ADGRV1: variants seen among roughly 807,000 people sequenced by gnomAD.
ADGRV1 encodes adhesion G protein-coupled receptor V1, also known as G-protein coupled receptor 98.
ADGRV1 carries 359 observed loss-of-function variants against 596.2 expected under a neutral mutation model. The observed-to-expected ratio is 0.60, with a 90% CI of 0.55 to 0.66. ADGRV1 has a LOEUF of 0.66. Among genes scored for constraint, ADGRV1 ranks in the 30% least tolerant of loss-of-function variants. ADGRV1 has a pLI of 0.00. For synonymous variants in ADGRV1, 2,681 were observed against 2,679.2 expected (o/e 1.00, Z -0.02); for missense variants, 7,274 against 7,575.6 (o/e 0.96, Z 1.48).
intron 16 of ADGRV1, 75 bp downstream of exon 16, chr5:90,646,166 A>G (rs1311810491): frequency 2.5e-5 from 26 of 1,036,148 alleles, no homozygotes; most frequent in East Asian, 3.1e-5. Flanking sequence ...ATGCACGTGC[A>G]TATATACATT....
At chr5:90,652,208 C>A (rs1336087095) in intron 18 of ADGRV1, 138 bp from the exon 19 acceptor site, 2 of 494,840 alleles carry the variant, frequency 4.0e-6, no homozygotes, top group Non-Finnish European at 3.5e-6. Flanking sequence ...TGAAATTCTT[C>A]ATAGTTTGCC....
intron 5 of ADGRV1, among the ~76,000 whole-genome samples, chr5:90,623,610 A>G (rs1764369299): frequency 6.6e-6 from 1 of 152,054 alleles, no homozygotes; most frequent in East Asian, 1.9e-4. Flanking sequence ...ATGAAGTCGC[A>G]TTATGTTGCC....
chr5:90,986,992 T>C lies in ADGRV1; in HGVS notation c.18152+1470T>C, dbSNP rs530072695. On this transcript the variant is annotated intron_variant, in intron 85 of 89. Coordinates refer to ENST00000405460, the MANE Select transcript of ADGRV1 (RefSeq NM_032119.4). Reference sequence around the variant, plus strand: ...TGGACCCAATGAATGTAATATTAATTAGAAAAAACTATCTTGATCCTTTTA... The same window carrying C: ...TGGACCCAATGAATGTAATATTAATCAGAAAAAACTATCTTGATCCTTTTA... 9.2e-5 allele frequency among the ~76,000 whole-genome samples: 14 copies of C among 152,296 alleles called. No homozygotes were observed. The East Asian group carries it at 2.5e-3, about 27-fold the overall frequency.
At chr5:90,708,457 T>G (rs1469968692) in intron 38 of ADGRV1, among the ~76,000 whole-genome samples, 1 of 151,714 alleles carries the variant, frequency 6.6e-6, no homozygotes, top group Non-Finnish European at 1.5e-5. Context: ...TTCCATGGTG[T>G]TCTATTCCTC....
At chr5:90,864,177 C>A (rs938159218) in intron 83 of ADGRV1, among the ~76,000 whole-genome samples, 1 of 151,718 alleles carries the variant, frequency 6.6e-6, no homozygotes, top group Non-Finnish European at 1.5e-5. Context: ...TTTTATTAAT[C>A]TGTTTGAAAT....
At chr5:90,765,672 G>A (rs939797355) in intron 59 of ADGRV1, among the ~76,000 whole-genome samples, 1 of 151,846 alleles carries the variant, frequency 6.6e-6, no homozygotes, top group Non-Finnish European at 1.5e-5. Context: ...ATGTACAATA[G>A]ATTATTGTTA....
intron 84 of ADGRV1, among the ~76,000 whole-genome samples, chr5:90,970,331 C>G (rs1358791232): frequency 6.6e-6 from 1 of 152,142 alleles, no homozygotes; most frequent in Non-Finnish European, 1.5e-5. Context: ...CAGCAGAAAC[C>G]TCTGCAGACT....
At chr5:91,078,650 C>G (rs893360499) in intron 86 of ADGRV1, among the ~76,000 whole-genome samples, 2 of 152,172 alleles carry the variant, frequency 1.3e-5, no homozygotes, top group African/African-American at 4.8e-5. Context: ...GGTAGAAACC[C>G]CACGCTGGCC....
At chr5:90,784,445 A>G (rs188089118) in intron 67 of ADGRV1, among the ~76,000 whole-genome samples, 2 of 152,352 alleles carry the variant, frequency 1.3e-5, no homozygotes. Context: ...TAAACAACTA[A>G]AAATAAATTG....
intron 89 of ADGRV1, among the ~76,000 whole-genome samples, chr5:91,161,246 ACAT>A (rs1478649803): frequency 1.4e-4 from 21 of 152,322 alleles, no homozygotes; most frequent in African/African-American, 5.1e-4. Flanking sequence ...AGGTTCTTCC[ACAT>A]AACACGGTTC....
rs142891862 is a variant in ADGRV1 at position 90,810,595 on chromosome 5, G to A, written c.15335G>A (p.Arg5112His). Residue 5112 changes from arginine to histidine, a missense_variant, in exon 74 of 90, where the codon CGC becomes CAC. Physicochemically the swap from Arg to His is conservative, Grantham distance 29. This residue lies in a region of ADGRV1 where 1,874 missense variants were observed against 1,970.2 expected (regional missense o/e 0.95). Transcript: ENST00000405460. The stretch of plus-strand genomic sequence containing the variant: ...AAGTTTGATGTTAATTGGAGCCCAC[G>A]CCTGAATCTAGATTTCAGTGTTGCA... Reference protein sequence around the residue: ...LQKFDVNWSPRLNLDFSVAVI... With the variant: ...LQKFDVNWSPHLNLDFSVAVI... 12 of 1,613,876 alleles carry A rather than the reference G, an allele frequency of 7.4e-6. No homozygotes were observed. The African/African-American group carries it at 8.0e-5, about 11-fold the overall frequency.
chr5:90,735,315 A>T (rs1253533049), intron 50 of ADGRV1, among the ~76,000 whole-genome samples: 1 of 152,142 alleles, frequency 6.6e-6, no homozygotes. Context: ...TCAAAAATCA[A>T]TTGGTTGTGA....
chr5:90,727,518 T>A (rs4392662), intron 48 of ADGRV1, among the ~76,000 whole-genome samples: 88,221 of 151,438 alleles, frequency 0.58, 27,043 homozygotes, highest in East Asian at 0.79. Context: ...GAGGCATTTT[T>A]TAAAAATATT....
chr5:90,620,679 A>G (rs973785186), intron 4 of ADGRV1, among the ~76,000 whole-genome samples: 6 of 152,248 alleles, frequency 3.9e-5, no homozygotes, highest in East Asian at 1.9e-4. Context: ...GCCCATGCCT[A>G]TGTCCTGAAT....
chr5:91,060,398 A>AT (rs1554210690), intron 85 of ADGRV1, among the ~76,000 whole-genome samples: 11,589 of 60,276 alleles, frequency 0.19, 757 homozygotes, highest in Admixed American at 0.4. Flanking sequence ...ATATATATAT[A>AT]TTTTTTTTTT....
intron 85 of ADGRV1, among the ~76,000 whole-genome samples, chr5:91,044,783 C>T (rs934598726): frequency 6.6e-6 from 1 of 152,110 alleles, no homozygotes; most frequent in Non-Finnish European, 1.5e-5. Context: ...TTCTTGAACC[C>T]TTGTTATGTA....
chr5:91,134,560 C>A (rs546294218), intron 87 of ADGRV1, among the ~76,000 whole-genome samples: 1 of 152,196 alleles, frequency 6.6e-6, no homozygotes, highest in African/African-American at 2.4e-5. Flanking sequence ...CACAATCATC[C>A]TTTTGCCATG....
In ADGRV1 at chr5:90,728,859, G is replaced by T; in HGVS notation, c.10352G>T (p.Ser3451Ile). 6.2e-7 allele frequency: 1 copy of T among 1,613,782 alleles called. No homozygotes were observed. Reference sequence around the variant, plus strand: ...ATTAACTTTCAAGAGGTGCCTGTCAGTGGGACAACAGAAGTTGAGGCTTTG... The same window carrying T: ...ATTAACTTTCAAGAGGTGCCTGTCATTGGGACAACAGAAGTTGAGGCTTTG... Reference protein sequence around the residue: ...GFINFQEVPVSGTTEVEALSS... With the variant: ...GFINFQEVPVIGTTEVEALSS... The change falls in exon 49 of 90, where the codon AGT becomes ATT. Residue 3451 changes from serine (S) to isoleucine (I), a missense_variant. Ser to Ile is a moderately radical substitution (Grantham distance 142). This residue lies in a region of ADGRV1 where 3,643 missense variants were observed against 3,809.2 expected (regional missense o/e 0.96). Coordinates refer to ENST00000405460, the MANE Select transcript of ADGRV1 (RefSeq NM_032119.4).
chr5:90,661,463 T>C (rs1047022052), intron 21 of ADGRV1, among the ~76,000 whole-genome samples: 1 of 152,232 alleles, frequency 6.6e-6, no homozygotes, highest in African/African-American at 2.4e-5. Flanking sequence ...ATAAGTGATA[T>C]TGGTATAATC....
Sources: gnomAD v4.1 joint callset for allele counts (sites outside exome capture counted in the v4.1 genomes callset) on GRCh38, gnomAD v4.1.1 for gene constraint, gnomAD v4.1.1 regional missense constraint, MANE v1.5 for transcripts, NCBI Gene and HGNC (gene_info 2026-07-23, HGNC 2026-07-21) for gene names.